ESAM: variants seen among roughly 807,000 people sequenced by gnomAD.
ESAM encodes the protein endothelial cell adhesion molecule.
ESAM carries 23 observed loss-of-function variants against 31.8 expected under a neutral mutation model. The observed-to-expected ratio is 0.72, with a 90% confidence interval of 0.52 to 1.03. The LOEUF is 1.03. ESAM is among the 50% of genes least tolerant of loss of function. The pLI is 0.00. For missense variants in ESAM, 478 were observed against 488.9 expected, an observed-to-expected ratio of 0.98 and a Z score of 0.21; for synonymous variants, 216 against 207.2, an observed-to-expected ratio of 1.04 and a Z score of -0.37.
chr11:124,762,284 C>A lies in ESAM; in HGVS notation c.-130G>T. 1 of 637,626 alleles carries A rather than the reference C, an allele frequency of 1.6e-6. No homozygotes were observed. Among genetic ancestry groups the A allele is most frequent in the Admixed American group, 4.1e-5 (1 of 24,322 alleles). The allele number at this position is 637,626 out of a possible 1,614,324, so 39.5% of individuals were successfully genotyped here. On this transcript the variant is annotated 5_prime_UTR_variant, in exon 1 of 7. Transcript: ENST00000278927. The surrounding 1 kb of genome is among the most constrained non-coding windows in gnomAD (Gnocchi z 6.4). ...GCTGACACCCAGGGCGGCTCCAGCC[C>A]AAGTCTGCGCGCCTGTGTGCCGGTG...
At chr11:124,760,575 G>A (rs1944216732) in intron 1 of ESAM, among the ~76,000 whole-genome samples, 4 of 152,266 alleles carry the variant, frequency 2.6e-5, no homozygotes, top group African/African-American at 9.6e-5. Context: ...GGAGCCGGGC[G>A]CCTGCACGTT....
rs556021740 is a variant in ESAM at position 124,753,291 on chromosome 11, C to T, written c.*355G>A. 3.9e-6 allele frequency: 1 copy of T among 259,258 alleles called. No homozygotes were observed. The highest frequency in any genetic ancestry group is 6.9e-5 in the South Asian group (1 of 14,392). 16.1% of individuals were successfully genotyped at this position (259,258 alleles called of 1,614,324 possible). ...CAATACAGGGAGCTGGAGTGGGAGC[C>T]AAGGGTGGTGTTAGATAGGGGTGGG... On this transcript the variant is annotated 3_prime_UTR_variant, in exon 7 of 7. Coordinates refer to ENST00000278927, the MANE Select transcript of ESAM (RefSeq NM_138961.3).
At position 124,754,731 on chromosome 11, in the gene ESAM, G is replaced by A. The variant is rs1309032957; in HGVS notation, c.640C>T (p.Leu214Phe). ...TAGACTCCAGCCATGGAAGACGAAAGGTTGGTGAGGCTTAAAGACCCACGG... is the reference window on the plus strand; with the variant it reads ...TAGACTCCAGCCATGGAAGACGAAAAGTTGGTGAGGCTTAAAGACCCACGG... ...VIRGSLSLTN[L>F]SSSMAGVYVC... Residue 214 changes from leucine to phenylalanine, a missense_variant, in exon 5 of 7, where the codon CTT becomes TTT. Physicochemically the swap from Leu to Phe is conservative, Grantham distance 22. Transcript: ENST00000278927. The surrounding 1 kb of genome is among the most constrained non-coding windows in gnomAD (Gnocchi z 4.5). 2 of 1,613,958 alleles carry A rather than the reference G, an allele frequency of 1.2e-6. No individual in the cohort carries two copies. Among genetic ancestry groups the A allele is most frequent in the Admixed American group, 1.7e-5 (1 of 59,982 alleles).
Position 124,753,642 on chromosome 11 carries a change from G to C in ESAM, c.*4C>G, listed in dbSNP as rs748152365. On this transcript the variant is annotated 3_prime_UTR_variant, in exon 7 of 7. Transcript: ENST00000278927. ...AATCCTTTAGCCAATGAGTGGTGGGGTCATCATACCAGAGAGCCAGCTTGA... is the reference window on the plus strand; with the variant it reads ...AATCCTTTAGCCAATGAGTGGTGGGCTCATCATACCAGAGAGCCAGCTTGA... The C allele has an allele frequency of 6.2e-7, 1 of 1,613,396 alleles. No individual in the cohort carries two copies. The highest frequency in any genetic ancestry group is 8.5e-7 in the Non-Finnish European group (1 of 1,180,036).
At position 124,756,660 on chromosome 11, in the gene ESAM, A is replaced by C; in HGVS notation, c.332T>G (p.Leu111Arg). 4 of 1,614,152 alleles carry C rather than the reference A, an allele frequency of 2.5e-6. No homozygotes were observed. The highest frequency in any genetic ancestry group is 3.4e-6 in the Non-Finnish European group (4 of 1,180,034). ...TTTCTCCTGGAGACCCTCCAGCCGC[A>C]GGGACAGGTTCCGGGAGGGCATGGA... is the stretch of plus-strand genomic sequence containing the variant. ...VYSMPSRNLS[L>R]RLEGLQEKDS... is the part of the protein sequence containing the mutation. Residue 111 changes from leucine (L) to arginine (R), a missense_variant, in exon 3 of 7, where the codon CTG becomes CGG. Coordinates refer to ENST00000278927, the MANE Select transcript of ESAM (RefSeq NM_138961.3).
chr11:124,757,396 A>C (rs1213242539), intron 2 of ESAM: 1 of 152,634 alleles, frequency 6.6e-6, no homozygotes, highest in Non-Finnish European at 1.5e-5. Context: ...GCACCATTGC[A>C]TTCCAGCCTG....
intron 1 of ESAM, 122 bp downstream of exon 1, chr11:124,761,963 A>G: frequency 1.2e-6 from 1 of 848,372 alleles, no homozygotes; most frequent in Non-Finnish European, 1.9e-6. Context: ...TGGGATTAGG[A>G]GGTCAGGGGA....
Position 124,754,380 on chromosome 11 carries a change from G to T in ESAM, c.731-40C>A. The T allele has an allele frequency of 6.2e-7, 1 of 1,609,234 alleles. No individual in the cohort carries two copies. The highest frequency in any genetic ancestry group is 2.2e-5 in the East Asian group (1 of 44,840). ...GTGTCAGAGGAGGACACCCAGCTGA[G>T]GGGTTCTCACCCCTCTCCAATCCCA... On this transcript the variant is annotated intron_variant, in intron 5 of 6. Coordinates refer to ENST00000278927, the MANE Select transcript of ESAM (RefSeq NM_138961.3). The surrounding 1 kb of genome is among the most constrained non-coding windows in gnomAD (Gnocchi z 4.5).
intron 1 of ESAM, among the ~76,000 whole-genome samples, chr11:124,760,922 C>T (rs371249943): frequency 2.6e-5 from 4 of 152,194 alleles, no homozygotes; most frequent in African/African-American, 9.7e-5. Context: ...GGAGCAGGCC[C>T]ACCAAGCCCA....
Position 124,758,535 on chromosome 11 carries a change from C to T in ESAM, c.71-8G>A. On this transcript the variant is annotated splice_region_variant and splice_polypyrimidine_tract_variant and intron_variant, in intron 1 of 6. Transcript: ENST00000278927. ...GGGCCCGCGAGGGGGGCGCTGGAGA[C>T]AAGAGCGAGGCGTGAGTGCCCAGGA... 6.5e-7 allele frequency: 1 copy of T among 1,532,148 alleles called. No homozygotes were observed. The highest frequency in any genetic ancestry group is 8.8e-7 in the Non-Finnish European group (1 of 1,139,724). The allele number at this position is 1,532,148 out of a possible 1,614,324, so 94.9% of individuals were successfully genotyped here.
chr11:124,753,617 A>G lies in ESAM; in HGVS notation c.*29T>C. 1 of 1,612,236 alleles carries G rather than the reference A, an allele frequency of 6.2e-7. No individual in the cohort carries two copies. The highest frequency in any genetic ancestry group is 8.5e-7 in the Non-Finnish European group (1 of 1,179,800). On this transcript the variant is annotated 3_prime_UTR_variant, in exon 7 of 7. Transcript: ENST00000278927. ...ACCCTTATAGGAAGGAGAGACCCCA[A>G]ATCCTTTAGCCAATGAGTGGTGGGG...
At position 124,753,430 on chromosome 11, in the gene ESAM, A is replaced by G; in HGVS notation, c.*216T>C. The G allele has an allele frequency of 1.9e-5, 11 of 579,308 alleles. No individual in the cohort carries two copies. Among genetic ancestry groups the G allele is most frequent in the Admixed American group, 3.3e-5 (1 of 30,090 alleles). 35.9% of individuals were successfully genotyped at this position (579,308 alleles called of 1,614,324 possible). On this transcript the variant is annotated 3_prime_UTR_variant, in exon 7 of 7. Coordinates refer to ENST00000278927, the MANE Select transcript of ESAM (RefSeq NM_138961.3). ...ATAAGGAGGAGTCAGGGGTGGGTGG[A>G]GGCTCCTCCCAATTCCAGATCCACT...
chr11:124,759,942 C>T lies in ESAM; in HGVS notation c.71-1415G>A, dbSNP rs1049311135. Among the ~76,000 whole-genome samples the T allele has an allele frequency of 2.6e-5, 4 of 152,230 alleles. No homozygotes were observed. Among genetic ancestry groups the T allele is most frequent in the Non-Finnish European group, 4.4e-5 (3 of 68,036 alleles). ...GCACGCCTGGAGCCTGCAGGTGCTG[C>T]CGGCTCTCCCCCAGCCTTTCTACGA... On this transcript the variant is annotated intron_variant, in intron 1 of 6. Coordinates refer to ENST00000278927, the MANE Select transcript of ESAM (RefSeq NM_138961.3). This position sits in a 1 kb window ranked among gnomAD's most constrained non-coding sequence, Gnocchi z 6.8.
chr11:124,758,520 G>C lies in ESAM; in HGVS notation c.78C>G (p.Pro26=), dbSNP rs567320003. Residue 26 remains proline (P), a synonymous_variant, in exon 2 of 7, where the codon CCC becomes CCG. Transcript: ENST00000278927. The part of the protein sequence containing the change: ...LFLGLSALAP[P]SRAQLQLHLP... The stretch of plus-strand genomic sequence containing the variant: ...AGTGCAGTTGCAGCTGGGCCCGCGA[G>C]GGGGGCGCTGGAGACAAGAGCGAGG... The C allele has an allele frequency of 2.2e-5, 34 of 1,556,404 alleles. No homozygotes were observed. The highest frequency in any genetic ancestry group is 1.8e-4 in the Middle Eastern group (1 of 5,624).
chr11:124,761,959 TAGG>T (rs1944235418), intron 1 of ESAM, 123 bp downstream of exon 1: 2 of 832,406 alleles, frequency 2.4e-6, no homozygotes, highest in African/African-American at 1.8e-5. Flanking sequence ...GGAGTGGGAT[TAGG>T]AGGTCAGGGG....
At chr11:124,758,316 C>A (rs781149614) in intron 2 of ESAM, 33 bp downstream of exon 2, 3 of 1,613,778 alleles carry the variant, frequency 1.9e-6, no homozygotes, top group East Asian at 2.2e-5. Flanking sequence ...CTGGGCGCAA[C>A]TTGCCGCTGG....
At position 124,756,734 on chromosome 11, in the gene ESAM, G is replaced by A; in HGVS notation, c.258C>T (p.Ser86=). The change falls in exon 3 of 7, where the codon TCC becomes TCT. Residue 86 remains serine, a synonymous_variant. Coordinates refer to ENST00000278927, the MANE Select transcript of ESAM (RefSeq NM_138961.3). ...TGCTTGTTGTGACCCCATTGATGTA[G>A]GACAACACCTGGTGTGGGGCATAAC... ...KQKEKEDQVL[S]YINGVTTSKP... The A allele has an allele frequency of 6.2e-7, 1 of 1,614,106 alleles. No individual in the cohort carries two copies. Among genetic ancestry groups the A allele is most frequent in the Non-Finnish European group, 8.5e-7 (1 of 1,180,010 alleles).
In ESAM at chr11:124,753,319, A is replaced by C; in HGVS notation, c.*327T>G. ...GGGTGGTGTTAGATAGGGGTGGGGT[A>C]CAGATCAAGGGGGCCTGGGAGACTC... is the stretch of plus-strand genomic sequence containing the variant. On this transcript the variant is annotated 3_prime_UTR_variant, in exon 7 of 7. Transcript: ENST00000278927. The C allele has an allele frequency of 6.1e-6, 2 of 330,392 alleles. No individual in the cohort carries two copies. Among genetic ancestry groups the C allele is most frequent in the Non-Finnish European group, 5.6e-6 (1 of 178,730 alleles). 20.5% of individuals were successfully genotyped at this position (330,392 alleles called of 1,614,324 possible).
intron 4 of ESAM, among the ~76,000 whole-genome samples, 155 bp downstream of exon 4, chr11:124,756,052 G>A (rs1944149097): frequency 6.6e-6 from 1 of 152,190 alleles, no homozygotes; most frequent in Non-Finnish European, 1.5e-5. Flanking sequence ...GCCCCTGGCA[G>A]GGCATCTTTC....
Sources: gnomAD v4.1 joint callset for allele counts (sites outside exome capture counted in the v4.1 genomes callset) on GRCh38, gnomAD v4.1.1 for gene constraint, Gnocchi (gnomAD v3.1) non-coding constraint, MANE v1.5 for transcripts, NCBI Gene and HGNC (gene_info 2026-07-23, HGNC 2026-07-21) for gene names.